The following SKIDA1 variants were observed in gnomAD, a reference collection of about 807,000 sequenced individuals.
SKIDA1 encodes the protein SKI/DACH domain containing 1, also known as SKI/DACH domain-containing protein 1.
In SKIDA1, 18 loss-of-function variants were observed where a neutral mutation model predicts 51.4. The observed-to-expected ratio is 0.35, with a 90% CI of 0.24 to 0.52. The LOEUF (loss-of-function observed/expected upper bound fraction) is 0.52. SKIDA1 is among the 20% of genes least tolerant of loss of function. The pLI is 0.95. For missense variants in SKIDA1, 1,104 were observed against 1,180.6 expected, an observed-to-expected ratio of 0.94 and a Z score of 0.95; for synonymous variants, 579 against 500.5, an observed-to-expected ratio of 1.16 and a Z score of -2.09.
In SKIDA1 at chr10:21,514,760, T is replaced by C. The variant is rs991810459; in HGVS notation, c.*336A>G. 1.0e-5 allele frequency: 2 copies of C among 193,054 alleles called. No homozygotes were observed. The highest frequency in any genetic ancestry group is 1.4e-4 in the South Asian group (1 of 7,364). The allele number at this position is 193,054 out of a possible 1,614,324, so 12.0% of individuals were successfully genotyped here. ...ATTATTCAACCTTTTGACATTTATT[T>C]GTAGCAGTTGAATTGAGGTACCGGG... On this transcript the variant is annotated 3_prime_UTR_variant, in exon 4 of 4. Coordinates refer to ENST00000449193, the MANE Select transcript of SKIDA1 (RefSeq NM_207371.4).
chr10:21,516,907 C>A lies in SKIDA1; in HGVS notation c.916G>T (p.Ala306Ser). The stretch of plus-strand genomic sequence containing the variant: ...GCCGCCGCTGCCGCCGCCGCCGCCG[C>A]CGCCGCCGCCTTGGCTTTGTAGGAC... ...PRSYKAKAAA[A>S]AAAAAAAAAA... The change falls in exon 4 of 4, where the codon GCG becomes TCG. Residue 306 changes from alanine (A) to serine (S), a missense_variant. Physicochemically the swap from Ala to Ser is moderately conservative, Grantham distance 99. Transcript: ENST00000449193. This position sits in a 1 kb window ranked among gnomAD's most constrained non-coding sequence, Gnocchi z 5.7. 1 of 1,150,210 alleles carries A rather than the reference C, an allele frequency of 8.7e-7. No homozygotes were observed. Among genetic ancestry groups the A allele is most frequent in the Non-Finnish European group, 1.1e-6 (1 of 939,304 alleles). 71.3% of individuals were successfully genotyped at this position (1,150,210 alleles called of 1,614,324 possible). A position where few individuals can be genotyped will look rare whatever the true frequency, so the allele number is the denominator to read the frequency against.
At chr10:21,522,207 A>C (rs1039654258) in intron 2 of SKIDA1, among the ~76,000 whole-genome samples, 1 of 146,436 alleles carries the variant, frequency 6.8e-6, no homozygotes, top group Non-Finnish European at 1.5e-5. Flanking sequence ...GCATTAAAAT[A>C]ATCCTTTTCC....
Position 21,515,051 on chromosome 10 carries a change from A to T in SKIDA1, c.*45T>A. 1 of 1,508,816 alleles carries T rather than the reference A, an allele frequency of 6.6e-7. No individual in the cohort carries two copies. Among genetic ancestry groups the T allele is most frequent in the Non-Finnish European group, 8.9e-7 (1 of 1,128,524 alleles). The allele number at this position is 1,508,816 out of a possible 1,614,324, so 93.5% of individuals were successfully genotyped here. A position where few individuals can be genotyped will look rare whatever the true frequency, so the allele number is the denominator to read the frequency against. ...CAAACCATCCTGTGCAGTTTACAAC[A>T]AAAGGAAGGTAATATGGTTCAAGAA... On this transcript the variant is annotated 3_prime_UTR_variant, in exon 4 of 4. Transcript: ENST00000449193.
At position 21,517,211 on chromosome 10, in the gene SKIDA1, G is replaced by C; in HGVS notation, c.612C>G (p.Tyr204Ter). Residue 204 changes from tyrosine (Y) to a stop codon, truncating the protein, a stop_gained, in exon 4 of 4, where the codon TAC (tyrosine) becomes TAG (stop). Transcript: ENST00000449193. LOFTEE classifies it high-confidence loss of function. This position sits in a 1 kb window ranked among gnomAD's most constrained non-coding sequence, Gnocchi z 6.9. ...AAGCAGGGTCCGAGGGGAAGGCGAC[G>C]TAGTTTCCCTGGAGCGGGGCAGTTT... Reference protein sequence around the residue: ...NYETAPLQGNYVAFPSDPAYF... With the variant: ...NYETAPLQGN 6.9e-7 allele frequency: 1 copy of C among 1,454,682 alleles called. No individual in the cohort carries two copies. Among genetic ancestry groups the C allele is most frequent in the Non-Finnish European group, 9.1e-7 (1 of 1,097,612 alleles). The allele number at this position is 1,454,682 out of a possible 1,614,324, so 90.1% of individuals were successfully genotyped here.
chr10:21,520,230 A>G (rs1481561378), intron 3 of SKIDA1, among the ~76,000 whole-genome samples: 1 of 152,172 alleles, frequency 6.6e-6, no homozygotes, highest in Non-Finnish European at 1.5e-5. Flanking sequence ...CACAGCTAAT[A>G]CCATCCAGCG....
rs780345888 is a variant in SKIDA1 at position 21,515,997 on chromosome 10, T to A, written c.1826A>T (p.His609Leu). 1 of 1,614,034 alleles carries A rather than the reference T, an allele frequency of 6.2e-7. No homozygotes were observed. Among genetic ancestry groups the A allele is most frequent in the South Asian group, 1.1e-5 (1 of 91,078 alleles). The change falls in exon 4 of 4, where the codon CAC (histidine) becomes CTC (leucine). Residue 609 changes from histidine (H) to leucine (L), a missense_variant. His to Leu is a moderately conservative substitution (Grantham distance 99, BLOSUM62 -3). Around this residue, in one of 3 missense-constraint regions of SKIDA1, gnomAD observed 938 missense variants for 886.4 expected, o/e 1.06. Transcript: ENST00000449193. ...RKCLQTTPTT[H>L]CADNNTIAAR... is the part of the protein sequence containing the mutation. ...AGCTATTGTGTTGTTATCTGCACAG[T>A]GTGTAGTAGGAGTTGTTTGTAGGCA...
In SKIDA1 at chr10:21,518,012, A is replaced by C. The variant is rs756024168; in HGVS notation, c.-190T>G. 1 of 555,124 alleles carries C rather than the reference A, an allele frequency of 1.8e-6. No homozygotes were observed. Among genetic ancestry groups the C allele is most frequent in the Non-Finnish European group, 3.1e-6 (1 of 318,258 alleles). 34.4% of individuals were successfully genotyped at this position (555,124 alleles called of 1,614,324 possible). On this transcript the variant is annotated 5_prime_UTR_variant, in exon 4 of 4. Coordinates refer to ENST00000449193, the MANE Select transcript of SKIDA1 (RefSeq NM_207371.4). ...AGGCGAAATTATTGGGGGGGGGGAA[A>C]CCCCATGAAATTACACTGACTTGAT...
In SKIDA1 at chr10:21,517,309, T is replaced by C; in HGVS notation, c.514A>G (p.Ile172Val). Residue 172 changes from isoleucine (I) to valine (V), a missense_variant, in exon 4 of 4, where the codon ATT (isoleucine) becomes GTT (valine). By Grantham distance (29) the Ile-to-Val change is conservative. This residue lies in a region of SKIDA1 where 938 missense variants were observed against 886.4 expected (regional missense o/e 1.06). Transcript: ENST00000449193. The surrounding 1 kb of genome is among the most constrained non-coding windows in gnomAD (Gnocchi z 6.9). Reference sequence around the variant, plus strand: ...TGCGAGCCGGGGTATTTGCTAAAAATCTGAGGTAGATGGGCGGCGGGGCGC... The same window carrying C: ...TGCGAGCCGGGGTATTTGCTAAAAACCTGAGGTAGATGGGCGGCGGGGCGC... The part of the protein sequence containing the change: ...AARPAAHLPQ[I>V]FSKYPGSHYP... 2.8e-6 allele frequency: 4 copies of C among 1,452,908 alleles called. No individual in the cohort carries two copies. The highest frequency in any genetic ancestry group is 3.6e-6 in the Non-Finnish European group (4 of 1,099,062). The allele number at this position is 1,452,908 out of a possible 1,614,324, so 90.0% of individuals were successfully genotyped here. A position where few individuals can be genotyped will look rare whatever the true frequency, so the allele number is the denominator to read the frequency against.
chr10:21,524,324 T>G (rs931725305), intron 1 of SKIDA1, among the ~76,000 whole-genome samples: 1 of 152,118 alleles, frequency 6.6e-6, no homozygotes, highest in Admixed American at 6.5e-5. Context: ...AAACCTGCCT[T>G]TTACTACATC....
intron 1 of SKIDA1, 65 bp from the exon 2 acceptor site, chr10:21,523,936 A>G (rs754012231): frequency 6.6e-6 from 1 of 152,142 alleles, no homozygotes. Context: ...ATGGATACAC[A>G]AGTATCATTT....
rs1564334072 is a variant in SKIDA1 at position 21,516,581 on chromosome 10, C to T, written c.1242G>A (p.Glu414=). Residue 414 remains glutamate, a synonymous_variant, in exon 4 of 4, where the codon GAG becomes GAA. Transcript: ENST00000449193. This position sits in a 1 kb window ranked among gnomAD's most constrained non-coding sequence, Gnocchi z 5.7. ...SSSNSVSSEE[E]EEEGEEEEEE... is the part of the protein sequence containing the mutation. ...CCTCCTCCTCCTCTCCCTCCTCCTC[C>T]TCTTCCTCTGAGGACACAGAATTGC... 1.3e-6 allele frequency: 2 copies of T among 1,552,208 alleles called. No individual in the cohort carries two copies. The highest frequency in any genetic ancestry group is 2.7e-5 in the African/African-American group (2 of 73,026).
At chr10:21,522,766 A>G (rs1057349359) in intron 2 of SKIDA1, among the ~76,000 whole-genome samples, 3 of 152,200 alleles carry the variant, frequency 2.0e-5, no homozygotes, top group African/African-American at 7.2e-5. Context: ...CTTTAACAGA[A>G]GTTTGGGACA....
Position 21,515,806 on chromosome 10 carries a change from C to T in SKIDA1, c.2017G>A (p.Asp673Asn). 1 of 1,613,946 alleles carries T rather than the reference C, an allele frequency of 6.2e-7. No homozygotes were observed. The highest frequency in any genetic ancestry group is 8.5e-7 in the Non-Finnish European group (1 of 1,179,872). The change falls in exon 4 of 4, where the codon GAC becomes AAC. Residue 673 changes from aspartate (D) to asparagine (N), a missense_variant. Around this residue, in one of 3 missense-constraint regions of SKIDA1, gnomAD observed 938 missense variants for 886.4 expected, o/e 1.06. Transcript: ENST00000449193. ...AATGGCAATGTCTTGTCGCCTGTGT[C>T]AGTGCAGGGATTCTCGGCTTTAGTT... ...AATKAENPCT[D>N]TGDKTLPFLH...
chr10:21,514,811 A>C lies in SKIDA1; in HGVS notation c.*285T>G. ...TGCATTATTAGCATCGAAACAGTAA[A>C]GTGTTCCAGCTCTACCGTAATAACT... On this transcript the variant is annotated 3_prime_UTR_variant, in exon 4 of 4. Transcript: ENST00000449193. 1 of 284,342 alleles carries C rather than the reference A, an allele frequency of 3.5e-6. No individual in the cohort carries two copies. The highest frequency in any genetic ancestry group is 6.5e-6 in the Non-Finnish European group (1 of 153,514). 17.6% of individuals were successfully genotyped at this position (284,342 alleles called of 1,614,324 possible). A position where few individuals can be genotyped will look rare whatever the true frequency, so the allele number is the denominator to read the frequency against.
Position 21,516,008 on chromosome 10 carries a change from A to T in SKIDA1, c.1815T>A (p.Thr605=), listed in dbSNP as rs1349233703. Residue 605 remains threonine, a synonymous_variant, in exon 4 of 4, where the codon ACT becomes ACA. Coordinates refer to ENST00000449193, the MANE Select transcript of SKIDA1 (RefSeq NM_207371.4). The surrounding 1 kb of genome is among the most constrained non-coding windows in gnomAD (Gnocchi z 5.7). The part of the protein sequence containing the change: ...LREARKCLQT[T]PTTHCADNNT... The stretch of plus-strand genomic sequence containing the variant: ...TGTTATCTGCACAGTGTGTAGTAGG[A>T]GTTGTTTGTAGGCATTTCCTAGCCT... The T allele has an allele frequency of 2.5e-6, 4 of 1,613,694 alleles. No homozygotes were observed. The highest frequency in any genetic ancestry group is 1.3e-5 in the African/African-American group (1 of 74,832).
At position 21,515,876 on chromosome 10, in the gene SKIDA1, G is replaced by C; in HGVS notation, c.1947C>G (p.Pro649=). 6.2e-7 allele frequency: 1 copy of C among 1,614,046 alleles called. No individual in the cohort carries two copies. Among genetic ancestry groups the C allele is most frequent in the Non-Finnish European group, 8.5e-7 (1 of 1,179,902 alleles). Residue 649 remains proline (P), a synonymous_variant, in exon 4 of 4, where the codon CCC becomes CCG. Transcript: ENST00000449193. ...LHCPEFATDL[P]SSQTDPEVNA... Reference sequence around the variant, plus strand: ...TCACTTCAGGATCAGTCTGCGAAGAGGGCAAATCCGTAGCAAATTCAGGAC... The same window carrying C: ...TCACTTCAGGATCAGTCTGCGAAGACGGCAAATCCGTAGCAAATTCAGGAC...
rs1486473816 is a variant in SKIDA1, at chr10:21,516,600, G to A, written c.1223C>T (p.Ser408Phe). The A allele has an allele frequency of 6.4e-7, 1 of 1,551,890 alleles. No individual in the cohort carries two copies. The highest frequency in any genetic ancestry group is 8.7e-7 in the Non-Finnish European group (1 of 1,147,118). Reference protein sequence around the residue: ...FGSSLSSSSNSVSSEEEEEEG... With the variant: ...FGSSLSSSSNFVSSEEEEEEG... The stretch of plus-strand genomic sequence containing the variant: ...CTCCTCCTCTTCCTCTGAGGACACA[G>A]AATTGCTGGAGCTGGACAAACTGGA... Residue 408 changes from serine (S) to phenylalanine (F), a missense_variant, in exon 4 of 4, where the codon TCT becomes TTT. Physicochemically the swap from Ser to Phe is radical, Grantham distance 155. Coordinates refer to ENST00000449193, the MANE Select transcript of SKIDA1 (RefSeq NM_207371.4). The surrounding 1 kb of genome is among the most constrained non-coding windows in gnomAD (Gnocchi z 5.7).
intron 3 of SKIDA1, among the ~76,000 whole-genome samples, chr10:21,520,344 G>A (rs969413368): frequency 2.0e-5 from 3 of 152,168 alleles, no homozygotes; most frequent in African/African-American, 7.2e-5. Flanking sequence ...AAGTTTCCAG[G>A]AAAAGCAGAT....
intron 3 of SKIDA1, among the ~76,000 whole-genome samples, chr10:21,519,939 G>A (rs866147258): frequency 2.7e-5 from 4 of 147,598 alleles, no homozygotes; most frequent in Middle Eastern, 7.0e-3. Flanking sequence ...CTATTTAAGA[G>A]AGTCTGTAAC....
Sources: gnomAD v4.1 joint callset for allele counts (sites outside exome capture counted in the v4.1 genomes callset) on GRCh38, gnomAD v4.1.1 for gene constraint, gnomAD v4.1.1 regional missense constraint, Gnocchi (gnomAD v3.1) non-coding constraint, MANE v1.5 for transcripts, NCBI Gene and HGNC (gene_info 2026-07-23, HGNC 2026-07-21) for gene names.